Variants in AIG1 observed in about 807,000 individuals in gnomAD.
AIG1 encodes the protein androgen-induced gene 1 protein.
A neutral mutation model predicts 31.4 loss-of-function variants in AIG1; 23 were observed. The observed-to-expected ratio is 0.73, with a 90% confidence interval of 0.53 to 1.04. The LOEUF (loss-of-function observed/expected upper bound fraction) is 1.04. Ranked by LOEUF, AIG1 falls within the 50% of genes least tolerant of loss-of-function variation. The pLI is 0.00. For synonymous variants in AIG1, 100 were observed against 110.5 expected (o/e 0.90, Z 0.60); for missense variants, 274 against 295.0 (o/e 0.93, Z 0.52).
chr6:143,232,744 A>G (rs80074137), intron 3 of AIG1, among the ~76,000 whole-genome samples: 1 of 152,166 alleles, frequency 6.6e-6, no homozygotes, highest in African/African-American at 2.4e-5. Flanking sequence ...TTTTCTCCCC[A>G]AAATTGCCTA....
At chr6:143,238,543 G>A (rs1174374403) in intron 3 of AIG1, among the ~76,000 whole-genome samples, 1 of 152,138 alleles carries the variant, frequency 6.6e-6, no homozygotes, top group African/African-American at 2.4e-5. Flanking sequence ...TTGGGTCTGG[G>A]GGAGGGGTTC....
chr6:143,060,836 C>T (rs548928903), upstream of AIG1: 2 of 797,562 alleles, frequency 2.5e-6, no homozygotes, highest in Admixed American at 6.6e-5. Context: ...CGCCCGCGCC[C>T]GGGTTCCCAC....
rs1194239995 is a variant in AIG1, at chr6:143,258,441, A to C, written c.400-25669A>C. Among the ~76,000 whole-genome samples, 1 of 152,254 alleles carries C rather than the reference A, an allele frequency of 6.6e-6. No individual in the cohort carries two copies. The highest frequency in any genetic ancestry group is 1.9e-4 in the East Asian group (1 of 5,202). On this transcript the variant is annotated intron_variant, in intron 3 of 5. Transcript: ENST00000357847. This position sits in a 1 kb window ranked among gnomAD's most constrained non-coding sequence, Gnocchi z 4.7. Reference sequence around the variant, plus strand: ...AAATTTCTTCTTAGCCACTGCTAACACTAAAGAGAGCAATATCTTCCATTC... The same window carrying C: ...AAATTTCTTCTTAGCCACTGCTAACCCTAAAGAGAGCAATATCTTCCATTC...
intron 1 of AIG1, among the ~76,000 whole-genome samples, chr6:143,089,204 G>A (rs767110837): frequency 1.4e-5 from 2 of 138,172 alleles, no homozygotes; most frequent in Non-Finnish European, 3.0e-5. Context: ...GTGAGACTAT[G>A]TCTCAAAAAA....
intron 1 of AIG1, among the ~76,000 whole-genome samples, chr6:143,134,626 G>A (rs565286404): frequency 4.0e-5 from 6 of 151,830 alleles, no homozygotes; most frequent in South Asian, 2.1e-4. Context: ...ATTATATCAC[G>A]AAATAAATAG....
chr6:143,084,164 G>T (rs1778546509), intron 1 of AIG1, among the ~76,000 whole-genome samples: 1 of 152,138 alleles, frequency 6.6e-6, no homozygotes, highest in Admixed American at 6.5e-5. Flanking sequence ...CATACCCGAG[G>T]CTCTGTGACG....
chr6:143,342,191 G>A, downstream of AIG1: 1 of 624,210 alleles, frequency 1.6e-6, no homozygotes, highest in Non-Finnish European at 2.9e-6. Flanking sequence ...TCAAAGTACT[G>A]GGATTACAGG....
chr6:143,288,335 T>C lies in AIG1; in HGVS notation c.515+4110T>C, dbSNP rs1279580056. On this transcript the variant is annotated intron_variant, in intron 4 of 5. Coordinates refer to ENST00000357847, the MANE Select transcript of AIG1 (RefSeq NM_016108.4). The surrounding 1 kb of genome is among the most constrained non-coding windows in gnomAD (Gnocchi z 4.4). ...TGGCTATTCTCCCTCCTTCAGGGGT[T>C]TCTCATTCAATCAGAGCCCATGTGA... Among the ~76,000 whole-genome samples, 34 of 152,208 alleles carry C rather than the reference T, an allele frequency of 2.2e-4. No homozygotes were observed. The highest frequency in any genetic ancestry group is 2.2e-3 in the Admixed American group (34 of 15,286).
At chr6:143,096,183 G>C (rs1779772719) in intron 1 of AIG1, among the ~76,000 whole-genome samples, 1 of 152,110 alleles carries the variant, frequency 6.6e-6, no homozygotes, top group African/African-American at 2.4e-5. Flanking sequence ...TGGGATTACA[G>C]GCGTGAGCCA....
At chr6:143,102,973 A>G (rs2128484753) in intron 1 of AIG1, among the ~76,000 whole-genome samples, 1 of 152,336 alleles carries the variant, frequency 6.6e-6, no homozygotes, top group East Asian at 1.9e-4. Flanking sequence ...GTACATATAT[A>G]TCTTAGGAAA....
At chr6:143,171,909 A>T (rs981909896) in intron 3 of AIG1, among the ~76,000 whole-genome samples, 12 of 151,984 alleles carry the variant, frequency 7.9e-5, no homozygotes, top group Admixed American at 2.6e-4. Flanking sequence ...TGTGGTTTTG[A>T]TTTGCATTTC....
intron 1 of AIG1, among the ~76,000 whole-genome samples, chr6:143,101,315 A>G (rs1476462603): frequency 6.6e-6 from 1 of 152,158 alleles, no homozygotes. Flanking sequence ...GCCTGCAAGG[A>G]TGATCCACAT....
chr6:143,147,509 G>A (rs1473252941), intron 2 of AIG1, among the ~76,000 whole-genome samples: 1 of 152,060 alleles, frequency 6.6e-6, no homozygotes, highest in Non-Finnish European at 1.5e-5. Flanking sequence ...TCAAAAGAAA[G>A]AAGACTCCGC....
At chr6:143,199,656 A>G (rs757302817) in intron 3 of AIG1, among the ~76,000 whole-genome samples, 1 of 152,154 alleles carries the variant, frequency 6.6e-6, no homozygotes, top group Non-Finnish European at 1.5e-5. Context: ...CATCTAAATA[A>G]TTCATTAACA....
chr6:143,111,924 C>G (rs927472086), intron 1 of AIG1, among the ~76,000 whole-genome samples: 1 of 152,112 alleles, frequency 6.6e-6, no homozygotes, highest in African/African-American at 2.4e-5. Flanking sequence ...TTACACCTGG[C>G]TTTTTAAAAC....
rs1477757526 is a variant in AIG1, at chr6:143,330,007, T to A, written c.516-3275T>A. Among the ~76,000 whole-genome samples the A allele has an allele frequency of 6.6e-6, 1 of 152,182 alleles. No individual in the cohort carries two copies. Among genetic ancestry groups the A allele is most frequent in the Non-Finnish European group, 1.5e-5 (1 of 68,042 alleles). The stretch of plus-strand genomic sequence containing the variant: ...AAAAAGCATAAAGATTTTGGAGGTT[T>A]TTTTTGAGATTAAAAAAAATTCATA... On this transcript the variant is annotated intron_variant, in intron 4 of 5. Coordinates refer to ENST00000357847, the MANE Select transcript of AIG1 (RefSeq NM_016108.4). This position sits in a 1 kb window ranked among gnomAD's most constrained non-coding sequence, Gnocchi z 4.4.
rs1190032132 is a variant in AIG1, at chr6:143,187,588, G to A, written c.399+22405G>A. The stretch of plus-strand genomic sequence containing the variant: ...TATGAAAAGCAACCTTCTGCAGGGA[G>A]AGAAGGCAATTAAAAGATGTTGCGA... On this transcript the variant is annotated intron_variant, in intron 3 of 5. Transcript: ENST00000357847. 14 of 1,535,954 alleles carry A rather than the reference G, an allele frequency of 9.1e-6. No homozygotes were observed. The South Asian group carries it at 1.3e-4, about 14-fold the overall frequency.
intron 3 of AIG1, among the ~76,000 whole-genome samples, chr6:143,180,848 T>G (rs1000771617): frequency 6.6e-6 from 1 of 152,186 alleles, no homozygotes; most frequent in Non-Finnish European, 1.5e-5. Context: ...ATGAAACTGA[T>G]CCTCAAGGGA....
chr6:143,102,195 TTATTC>T lies in AIG1; in HGVS notation c.142-34638_142-34634del, dbSNP rs1202418124. On this transcript the variant is annotated intron_variant, in intron 1 of 5. Coordinates refer to ENST00000357847, the MANE Select transcript of AIG1 (RefSeq NM_016108.4). Reference sequence around the variant, plus strand: ...TATATTGATAATATTTTATATGACTTTATTCTTTGTTTACATTTGAACACAATCTT... The same window carrying T: ...TATATTGATAATATTTTATATGACTTTTTGTTTACATTTGAACACAATCTT... 5.9e-5 allele frequency among the ~76,000 whole-genome samples: 9 copies of T among 151,956 alleles called. No homozygotes were observed. In the South Asian group the frequency reaches 1.0e-3, roughly 17 times the overall value.
Sources: gnomAD v4.1 joint callset for allele counts (sites outside exome capture counted in the v4.1 genomes callset) on GRCh38, gnomAD v4.1.1 for gene constraint, Gnocchi (gnomAD v3.1) non-coding constraint, MANE v1.5 for transcripts, NCBI Gene and HGNC (gene_info 2026-07-23, HGNC 2026-07-21) for gene names.